The following DSCAM variants were observed in gnomAD, a reference collection of about 807,000 sequenced individuals.
The protein encoded by DSCAM is cell adhesion molecule DSCAM.
Under a neutral mutation model 217.7 loss-of-function variants are expected in DSCAM, and 47 were observed. That is an observed-to-expected ratio of 0.22 (90% CI 0.17 to 0.28). The LOEUF is 0.28. Among genes scored for constraint, DSCAM ranks in the 10% least tolerant of loss-of-function variants. DSCAM has a pLI of 1.00. For missense variants in DSCAM, 2,080 were observed against 2,618.3 expected (o/e 0.79, Z 4.49); for synonymous variants, 1,056 against 1,015.3 (o/e 1.04, Z -0.76).
intron 3 of DSCAM, among the ~76,000 whole-genome samples, chr21:40,464,743 C>CT (rs931964730): frequency 0.086 from 12,200 of 141,202 alleles, 1,062 homozygotes; most frequent in African/African-American, 0.21. Flanking sequence ...CCAGAACCAT[C>CT]TTTTTTTTTT....
At chr21:40,361,046 A>G (rs1294437794) in intron 4 of DSCAM, among the ~76,000 whole-genome samples, 1 of 152,132 alleles carries the variant, frequency 6.6e-6, no homozygotes, top group East Asian at 1.9e-4. Context: ...ATTTGGTCAT[A>G]TATCAAATCT....
At chr21:40,303,253 TTCTGTCC>T (rs1171901999) in intron 9 of DSCAM, among the ~76,000 whole-genome samples, 1 of 152,140 alleles carries the variant, frequency 6.6e-6, no homozygotes, top group East Asian at 1.9e-4. Context: ...GCCTTACACT[TTCTGTCC>T]TCTCTTACTT....
intron 3 of DSCAM, among the ~76,000 whole-genome samples, chr21:40,395,925 C>G (rs938484383): frequency 2.6e-5 from 4 of 152,136 alleles, no homozygotes; most frequent in African/African-American, 9.7e-5. Flanking sequence ...CACAGCCCAT[C>G]AGCCATCAGT....
Position 40,600,817 on chromosome 21 carries a change from T to C in DSCAM, c.508+91993A>G, listed in dbSNP as rs559212629. Reference sequence around the variant, plus strand: ...AAAAGACTATCCTTTCCCCATTGAATTGTCTTTGTTCCTTTGTCAATATTC... The same window carrying C: ...AAAAGACTATCCTTTCCCCATTGAACTGTCTTTGTTCCTTTGTCAATATTC... On this transcript the variant is annotated intron_variant, in intron 3 of 32. Coordinates refer to ENST00000400454, the MANE Select transcript of DSCAM (RefSeq NM_001389.5). Among the ~76,000 whole-genome samples, 4 of 152,332 alleles carry C rather than the reference T, an allele frequency of 2.6e-5. No homozygotes were observed. In the South Asian group the frequency reaches 8.3e-4, roughly 32 times the overall value.
intron 11 of DSCAM, among the ~76,000 whole-genome samples, chr21:40,196,653 CCTT>C (rs2091013256): frequency 6.6e-6 from 1 of 151,804 alleles, no homozygotes; most frequent in Non-Finnish European, 1.5e-5. Context: ...TCCCTTCCTT[CCTT>C]CTTCACTTTC....
chr21:40,493,492 A>T (rs1373065244), intron 3 of DSCAM, among the ~76,000 whole-genome samples: 1 of 152,206 alleles, frequency 6.6e-6, no homozygotes, highest in Non-Finnish European at 1.5e-5. Context: ...CAAAGACAAA[A>T]CCATTAAAAA....
chr21:40,467,737 T>C (rs2075856333), intron 3 of DSCAM, among the ~76,000 whole-genome samples: 1 of 151,976 alleles, frequency 6.6e-6, no homozygotes, highest in African/African-American at 2.4e-5. Context: ...ACACAAATAT[T>C]GGGATTTTAT....
At chr21:40,319,529 G>T (rs1361421552) in intron 8 of DSCAM, among the ~76,000 whole-genome samples, 1 of 152,172 alleles carries the variant, frequency 6.6e-6, no homozygotes, top group Non-Finnish European at 1.5e-5. Context: ...GGCTGTCGTG[G>T]ATAGTGCTGC....
intron 15 of DSCAM, among the ~76,000 whole-genome samples, chr21:40,169,017 G>A (rs1225288915): frequency 6.6e-6 from 1 of 152,136 alleles, no homozygotes; most frequent in Admixed American, 6.5e-5. Context: ...TTAAGTGTTT[G>A]TAAATAGGGG....
At position 40,395,414 on chromosome 21, in the gene DSCAM, A is replaced by G. The variant is rs149332853; in HGVS notation, c.509-26169T>C. 6.9e-3 allele frequency among the ~76,000 whole-genome samples: 1,039 copies of G among 151,064 alleles called. 9 individuals carry two copies. Among genetic ancestry groups the G allele is most frequent in the African/African-American group, 0.023 (956 of 41,166 alleles). ...TAAAATGACGCATGTTTTTTTTCCT[A>G]CCTGGAGACTGTAACATTTTCCTAT... is the stretch of plus-strand genomic sequence containing the variant. On this transcript the variant is annotated intron_variant, in intron 3 of 32. Transcript: ENST00000400454.
At chr21:40,611,045 A>T (rs1400532254) in intron 3 of DSCAM, among the ~76,000 whole-genome samples, 1 of 149,344 alleles carries the variant, frequency 6.7e-6, no homozygotes, top group African/African-American at 2.5e-5. Context: ...AAACAGGTGA[A>T]ATTAGTTTTC....
rs781261992 is a variant in DSCAM at position 40,133,984 on chromosome 21, G to A, written c.3432C>T (p.Thr1144=). The change falls in exon 19 of 33, where the codon ACC becomes ACT. Residue 1144 remains threonine, a synonymous_variant. Coordinates refer to ENST00000400454, the MANE Select transcript of DSCAM (RefSeq NM_001389.5). ...DGELGEIKNI[T]TTQPSLELDG... is the part of the protein sequence containing the mutation. ...CCAGCTCCAGTGAAGGCTGTGTGGT[G>A]GTGATGTTTTTAATCTCACCCAGCT... The A allele has an allele frequency of 6.2e-7, 1 of 1,611,826 alleles. No homozygotes were observed. Among genetic ancestry groups the A allele is most frequent in the Non-Finnish European group, 8.5e-7 (1 of 1,179,106 alleles).
At chr21:40,422,166 C>T (rs2075430899) in intron 3 of DSCAM, among the ~76,000 whole-genome samples, 1 of 152,214 alleles carries the variant, frequency 6.6e-6, no homozygotes, top group South Asian at 2.1e-4. Context: ...ACTTCAGAAT[C>T]CTTCTCAGTT....
At chr21:40,167,781 T>C (rs1257869824) in intron 15 of DSCAM, among the ~76,000 whole-genome samples, 1 of 152,196 alleles carries the variant, frequency 6.6e-6, no homozygotes, top group Non-Finnish European at 1.5e-5. Flanking sequence ...TTAAAAACCC[T>C]TGTGGCCGGG....
At position 40,535,874 on chromosome 21, in the gene DSCAM, T is replaced by A. The variant is rs568014875; in HGVS notation, c.508+156936A>T. On this transcript the variant is annotated intron_variant, in intron 3 of 32. Coordinates refer to ENST00000400454, the MANE Select transcript of DSCAM (RefSeq NM_001389.5). ...CACCTGAAAGTATTTAAAGCAGGAC[T>A]TTGTCTCCTTGCAAGGTCAACATGG... 2.8e-4 allele frequency among the ~76,000 whole-genome samples: 42 copies of A among 152,266 alleles called. 1 individual carries two copies. In the South Asian group the frequency reaches 8.7e-3, roughly 32 times the overall value.
chr21:40,268,923 G>A (rs920966798), intron 11 of DSCAM, among the ~76,000 whole-genome samples: 3 of 152,122 alleles, frequency 2.0e-5, no homozygotes, highest in Non-Finnish European at 4.4e-5. Flanking sequence ...GCCCAGGTCC[G>A]AGTGCTGCCA....
chr21:40,550,783 G>A lies in DSCAM; in HGVS notation c.508+142027C>T, dbSNP rs112423630. ...ATATGTTCAGAGTAACTGAGGGACT[G>A]TCACATGGTTGGGATAACATTTATG... is the stretch of plus-strand genomic sequence containing the variant. On this transcript the variant is annotated intron_variant, in intron 3 of 32. Transcript: ENST00000400454. Among the ~76,000 whole-genome samples the A allele has an allele frequency of 4.6e-3, 702 of 152,320 alleles. 6 individuals carry two copies. Among genetic ancestry groups the A allele is most frequent in the African/African-American group, 0.016 (654 of 41,570 alleles).
chr21:40,795,909 C>A (rs1221314353), intron 1 of DSCAM, among the ~76,000 whole-genome samples: 1 of 152,082 alleles, frequency 6.6e-6, no homozygotes, highest in Non-Finnish European at 1.5e-5. Context: ...CTTTTCTCAA[C>A]CTCAAGGGTA....
chr21:40,101,809 T>C (rs377043377), intron 20 of DSCAM, among the ~76,000 whole-genome samples: 1 of 151,998 alleles, frequency 6.6e-6, no homozygotes, highest in Non-Finnish European at 1.5e-5. Context: ...AGGCAGACAC[T>C]GCTGCCTTCA....
Sources: allele counts gnomAD v4.1 joint callset (sites outside exome capture counted in the v4.1 genomes callset), GRCh38; gene constraint gnomAD v4.1.1; transcripts MANE v1.5; gene names NCBI Gene and HGNC (gene_info 2026-07-23, HGNC 2026-07-21).